Variants in FXN observed in about 807,000 individuals in gnomAD.
The protein encoded by FXN is frataxin, mitochondrial.
A neutral mutation model predicts 22.4 loss-of-function variants in FXN; 14 were observed. That is an observed-to-expected ratio of 0.62 (90% CI 0.41 to 0.98). FXN has a LOEUF of 0.98. Among genes scored for constraint, FXN ranks in the 50% least tolerant of loss-of-function variants. The probability of loss-of-function intolerance (pLI) is 0.00; values close to 1 mark genes in which losing one functional copy is unlikely to be tolerated. For synonymous variants in FXN, 120 were observed against 114.1 expected (o/e 1.05, Z -0.33); for missense variants, 267 against 268.4 (o/e 0.99, Z 0.04).
intron 2 of FXN, among the ~76,000 whole-genome samples, chr9:69,049,197 C>T (rs889166892): frequency 6.6e-6 from 1 of 152,208 alleles, no homozygotes; most frequent in Non-Finnish European, 1.5e-5. Context: ...CCAACCTCTT[C>T]ACTTTGGACT....
rs192020247 is a variant in FXN, at chr9:69,061,668, C to T, written c.385-3270C>T. 3.4e-3 allele frequency among the ~76,000 whole-genome samples: 510 copies of T among 151,264 alleles called. 13 individuals are homozygous for T. The highest frequency in any genetic ancestry group is 0.015 in the East Asian group (79 of 5,110). On this transcript the variant is annotated intron_variant, in intron 3 of 4. Coordinates refer to ENST00000484259, the MANE Select transcript of FXN (RefSeq NM_000144.5). ...ATAGCTCCTAAAGCTATCCCTCCCC[C>T]CTTCCCCCTCCCTCCACCCCACAAC... is the stretch of plus-strand genomic sequence containing the variant.
At position 69,076,338 on chromosome 9, in the gene FXN, A is replaced by G. The variant is rs745515888; in HGVS notation, c.*3576A>G. ...CATGACAACTGTTGTTCTCACATGC[A>G]TAGCATAATTTCATATTCACATTGG... On this transcript the variant is annotated 3_prime_UTR_variant, in exon 5 of 5. Coordinates refer to ENST00000484259, the MANE Select transcript of FXN (RefSeq NM_000144.5). 506 of 985,196 alleles carry G rather than the reference A, an allele frequency of 5.1e-4. 1 individual carries two copies. Among genetic ancestry groups the G allele is most frequent in the Non-Finnish European group, 5.9e-4 (489 of 829,906 alleles). 61.0% of individuals were successfully genotyped at this position (985,196 alleles called of 1,614,324 possible). A position where few individuals can be genotyped will look rare whatever the true frequency, so the allele number is the denominator to read the frequency against.
chr9:69,040,317 C>A (rs1046873436), intron 1 of FXN, among the ~76,000 whole-genome samples: 17 of 152,204 alleles, frequency 1.1e-4, no homozygotes, highest in African/African-American at 3.9e-4. Context: ...ACTTTCAAAT[C>A]ATTTTTATTG....
chr9:69,043,903 A>G (rs1831701519), intron 1 of FXN, among the ~76,000 whole-genome samples: 1 of 151,850 alleles, frequency 6.6e-6, no homozygotes, highest in Non-Finnish European at 1.5e-5. Context: ...TTATTTTTCA[A>G]GTTGAAATGA....
chr9:69,053,706 G>A (rs770174890), intron 3 of FXN, among the ~76,000 whole-genome samples: 2 of 152,158 alleles, frequency 1.3e-5, no homozygotes, highest in African/African-American at 2.4e-5. Flanking sequence ...GTGTGTATTT[G>A]TCCAGCAGGC....
In FXN at chr9:69,076,568, T is replaced by C; in HGVS notation, c.*3806T>C. On this transcript the variant is annotated 3_prime_UTR_variant, in exon 5 of 5. Transcript: ENST00000484259. ...AAATTTGACAGTTTGCATTAAATTATAGGTTTACAATATGCTTTATCCAGC... is the reference window on the plus strand; with the variant it reads ...AAATTTGACAGTTTGCATTAAATTACAGGTTTACAATATGCTTTATCCAGC... 2 of 985,472 alleles carry C rather than the reference T, an allele frequency of 2.0e-6. No individual in the cohort carries two copies. The highest frequency in any genetic ancestry group is 1.7e-5 in the African/African-American group (1 of 57,380). 61.0% of individuals were successfully genotyped at this position (985,472 alleles called of 1,614,324 possible).
intron 1 of FXN, among the ~76,000 whole-genome samples, chr9:69,039,032 C>G (rs1291819497): frequency 6.6e-6 from 1 of 152,034 alleles, no homozygotes; most frequent in Non-Finnish European, 1.5e-5. Context: ...ATGGGCGGAT[C>G]ACCTGAGGTC....
chr9:69,045,464 G>A (rs76470259), intron 1 of FXN, among the ~76,000 whole-genome samples: 1 of 152,098 alleles, frequency 6.6e-6, no homozygotes, highest in South Asian at 2.1e-4. Context: ...GCGGTGGCGG[G>A]TGCCTGTAAT....
In FXN at chr9:69,077,690, G is replaced by A. The variant is rs558513400; in HGVS notation, c.*4928G>A. Reference sequence around the variant, plus strand: ...CACACCTGTAATCCCAGCACTTTGAGAGGCTGAGGCAGGTGGATCACCTGA... The same window carrying A: ...CACACCTGTAATCCCAGCACTTTGAAAGGCTGAGGCAGGTGGATCACCTGA... On this transcript the variant is annotated 3_prime_UTR_variant, in exon 5 of 5. Coordinates refer to ENST00000484259, the MANE Select transcript of FXN (RefSeq NM_000144.5). 1 of 968,936 alleles carries A rather than the reference G, an allele frequency of 1.0e-6. No homozygotes were observed. The highest frequency in any genetic ancestry group is 1.1e-4 in the East Asian group (1 of 8,728). 60.0% of individuals were successfully genotyped at this position (968,936 alleles called of 1,614,324 possible).
Position 69,077,072 on chromosome 9 carries a change from C to T in FXN, c.*4310C>T, listed in dbSNP as rs181918026. ...GGGATTACAGGTGCCTGCCACCACA[C>T]CCGGCTAATTTTTGTATTTTTAGTA... On this transcript the variant is annotated 3_prime_UTR_variant, in exon 5 of 5. Transcript: ENST00000484259. The T allele has an allele frequency of 1.3e-3, 570 of 453,312 alleles. 5 individuals are homozygous for T. The highest frequency in any genetic ancestry group is 0.011 in the African/African-American group (528 of 46,966). 28.1% of individuals were successfully genotyped at this position (453,312 alleles called of 1,614,324 possible).
At chr9:69,071,584 C>T (rs1227265043) in intron 4 of FXN, among the ~76,000 whole-genome samples, 1 of 152,220 alleles carries the variant, frequency 6.6e-6, no homozygotes, top group Non-Finnish European at 1.5e-5. Context: ...AGCCAGCCTC[C>T]GATCTGTCCA....
At chr9:69,061,086 T>C (rs1353811758) in intron 3 of FXN, among the ~76,000 whole-genome samples, 1 of 152,170 alleles carries the variant, frequency 6.6e-6, no homozygotes, top group Admixed American at 6.5e-5. Flanking sequence ...TTGAGAGCTG[T>C]GGAGCTAGAA....
At position 69,035,822 on chromosome 9, in the gene FXN, G is replaced by A; in HGVS notation, c.40G>A (p.Ala14Thr). 2.0e-6 allele frequency: 3 copies of A among 1,512,672 alleles called. No individual in the cohort carries two copies. Among genetic ancestry groups the A allele is most frequent in the Non-Finnish European group, 2.6e-6 (3 of 1,137,360 alleles). The allele number at this position is 1,512,672 out of a possible 1,614,324, so 93.7% of individuals were successfully genotyped here. A position where few individuals can be genotyped will look rare whatever the true frequency, so the allele number is the denominator to read the frequency against. Residue 14 changes from alanine to threonine, a missense_variant, in exon 1 of 5, where the codon GCG becomes ACG. Transcript: ENST00000484259. ...GCGCCGCGCAGTAGCCGGCCTCCTG[G>A]CGTCACCCAGCCCAGCCCAGGCCCA... ...LGRRAVAGLL[A>T]SPSPAQAQTL...
Position 69,078,296 on chromosome 9 carries a change from T to C in FXN, c.*5534T>C, listed in dbSNP as rs930791823. On this transcript the variant is annotated 3_prime_UTR_variant, in exon 5 of 5. Transcript: ENST00000484259. ...CCAGAGCATAGCCACCTGATCCTGCTGGGATTCCTCTTGCCAGTCCATCAG... is the reference window on the plus strand; with the variant it reads ...CCAGAGCATAGCCACCTGATCCTGCCGGGATTCCTCTTGCCAGTCCATCAG... The C allele has an allele frequency of 3.7e-5, 36 of 985,418 alleles. No homozygotes were observed. Among genetic ancestry groups the C allele is most frequent in the African/African-American group, 7.0e-5 (4 of 57,254 alleles). 61.0% of individuals were successfully genotyped at this position (985,418 alleles called of 1,614,324 possible).
chr9:69,037,315 AGT>A, intron 1 of FXN, among the ~76,000 whole-genome samples: 2 of 150,888 alleles, frequency 1.3e-5, no homozygotes, highest in Admixed American at 1.3e-4. Flanking sequence ...AATAAAGAAA[AGT>A]TAGCCGGGCG....
At chr9:69,069,487 T>C (rs1832233814) in intron 4 of FXN, among the ~76,000 whole-genome samples, 7 of 152,080 alleles carry the variant, frequency 4.6e-5, no homozygotes, top group Admixed American at 4.6e-4. Context: ...CCCCAAGACA[T>C]TGCATAAATA....
chr9:69,055,997 C>T (rs1345126510), intron 3 of FXN, among the ~76,000 whole-genome samples: 1 of 152,152 alleles, frequency 6.6e-6, no homozygotes, highest in Non-Finnish European at 1.5e-5. Context: ...GATCGTTCCA[C>T]CTCAGCCTCC....
At chr9:69,070,947 GGGTGT>G (rs1832263322) in intron 4 of FXN, among the ~76,000 whole-genome samples, 1 of 151,480 alleles carries the variant, frequency 6.6e-6, no homozygotes, top group Non-Finnish European at 1.5e-5. Flanking sequence ...CTGGGGTTAT[GGGTGT>G]GAGCCACTGC....
intron 3 of FXN, among the ~76,000 whole-genome samples, chr9:69,057,251 G>A (rs910617219): frequency 6.6e-6 from 1 of 152,192 alleles, no homozygotes; most frequent in African/African-American, 2.4e-5. Flanking sequence ...TGTTGAGTCA[G>A]TTGGGAGCTT....
Sources: gnomAD v4.1 joint callset for allele counts (sites outside exome capture counted in the v4.1 genomes callset) on GRCh38, gnomAD v4.1.1 for gene constraint, MANE v1.5 for transcripts, NCBI Gene and HGNC (gene_info 2026-07-23, HGNC 2026-07-21) for gene names.